DUSP19: variants seen among roughly 807,000 people sequenced by gnomAD.
DUSP19 encodes dual specificity protein phosphatase 19.
DUSP19 carries 14 observed loss-of-function variants against 16.6 expected under a neutral mutation model. The ratio of observed to expected loss-of-function variants is 0.84; its 90% CI spans 0.56 to 1.32. The LOEUF is 1.32. Ranked by LOEUF, DUSP19 falls within the 40% of genes most tolerant of loss-of-function variation. The pLI is 0.00. For missense variants in DUSP19, 258 were observed against 255.9 expected (o/e 1.01, Z -0.06); for synonymous variants, 81 against 90.5 (o/e 0.90, Z 0.59).
At chr2:183,083,595 AT>A (rs1457305975) in intron 2 of DUSP19, 41 bp downstream of exon 2, 1 of 1,539,330 alleles carries the variant, frequency 6.5e-7, no homozygotes, top group Non-Finnish European at 8.9e-7. Flanking sequence ...TACACAGAAT[AT>A]TTTAATTGTT....
At chr2:183,092,593 G>A (rs956250974) in intron 3 of DUSP19, among the ~76,000 whole-genome samples, 1 of 151,482 alleles carries the variant, frequency 6.6e-6, no homozygotes, top group Non-Finnish European at 1.5e-5. Flanking sequence ...TGGCTGCATA[G>A]TATTCCATGG....
At chr2:183,095,128 A>T (rs1050509438) in intron 3 of DUSP19, among the ~76,000 whole-genome samples, 4 of 152,080 alleles carry the variant, frequency 2.6e-5, no homozygotes, top group African/African-American at 9.7e-5. Context: ...TTAGGTTTTA[A>T]TGTGTTCTTT....
rs762398636 is a variant in DUSP19, at chr2:183,079,204, A to G, written c.226+45A>G. 16 of 1,551,462 alleles carry G rather than the reference A, an allele frequency of 1.0e-5. No homozygotes were observed. In the African/African-American group the frequency reaches 1.9e-4, roughly 19 times the overall value. On this transcript the variant is annotated intron_variant, in intron 1 of 3. Transcript: ENST00000354221. The stretch of plus-strand genomic sequence containing the variant: ...ACTAGATCATTGAGTCCTTTTAGCC[A>G]GATTACGTTCTCATTTTCCCCCTTT...
In DUSP19 at chr2:183,099,454, T is replaced by C. The variant is rs754947187; in HGVS notation, c.*3796T>C. ...TATTCTTGCAATGCATAAAATGACA[T>C]TATAATCAACAAACTTATGGTTTGT... is the stretch of plus-strand genomic sequence containing the variant. On this transcript the variant is annotated 3_prime_UTR_variant, in exon 4 of 4. Transcript: ENST00000354221. 12 of 152,192 alleles carry C rather than the reference T, an allele frequency of 7.9e-5. No homozygotes were observed. Among genetic ancestry groups the C allele is most frequent in the Non-Finnish European group, 5.9e-5 (4 of 68,034 alleles). 9.4% of individuals were successfully genotyped at this position (152,192 alleles called of 1,614,324 possible). A position where few individuals can be genotyped will look rare whatever the true frequency, so the allele number is the denominator to read the frequency against.
chr2:183,081,994 A>C (rs530560383), intron 1 of DUSP19, among the ~76,000 whole-genome samples: 1 of 152,346 alleles, frequency 6.6e-6, no homozygotes, highest in Admixed American at 6.5e-5. Context: ...TCTCCATATG[A>C]ACTTGCTTAT....
intron 2 of DUSP19, among the ~76,000 whole-genome samples, chr2:183,085,451 C>T (rs1187032252): frequency 7.9e-5 from 12 of 152,028 alleles, no homozygotes; most frequent in Non-Finnish European, 1.2e-4. Flanking sequence ...AGTTTAAGTA[C>T]GATTAGGACT....
Position 183,082,419 on chromosome 2 carries a change from C to CTTT in DUSP19, c.227-1069_227-1067dup, listed in dbSNP as rs71008260. ...AACCAGATACATTGAGAACATTTTTCTTTTTTTTTTTTTTTTTTTTTTGAG... is the reference window on the plus strand; with the variant it reads ...AACCAGATACATTGAGAACATTTTTCTTTTTTTTTTTTTTTTTTTTTTTTTGAG... On this transcript the variant is annotated intron_variant, in intron 1 of 3. Coordinates refer to ENST00000354221, the MANE Select transcript of DUSP19 (RefSeq NM_080876.4). Among the ~76,000 whole-genome samples the CTTT allele has an allele frequency of 3.6e-3, 302 of 84,820 alleles. 2 individuals are homozygous for CTTT. The highest frequency in any genetic ancestry group is 0.02 in the Middle Eastern group (2 of 100). The allele number at this position is 84,820 out of a possible 152,430, so 55.6% of individuals were successfully genotyped here.
At position 183,099,067 on chromosome 2, in the gene DUSP19, T is replaced by A. The variant is rs1264070968; in HGVS notation, c.*3409T>A. 1 of 152,084 alleles carries A rather than the reference T, an allele frequency of 6.6e-6. No individual in the cohort carries two copies. The highest frequency in any genetic ancestry group is 1.5e-5 in the Non-Finnish European group (1 of 68,004). The allele number at this position is 152,084 out of a possible 1,614,324, so 9.4% of individuals were successfully genotyped here. A position where few individuals can be genotyped will look rare whatever the true frequency, so the allele number is the denominator to read the frequency against. On this transcript the variant is annotated 3_prime_UTR_variant, in exon 4 of 4. Transcript: ENST00000354221. ...ATACTTGGATTTTTTTTTTTCAGCT[T>A]AGACTCTGATAATTTCAGTGGTAGT...
intron 3 of DUSP19, among the ~76,000 whole-genome samples, chr2:183,090,878 G>A (rs1699723463): frequency 1.3e-5 from 2 of 152,192 alleles, no homozygotes; most frequent in African/African-American, 4.8e-5. Flanking sequence ...GAGGCCAGCA[G>A]GCCTCTTGGC....
At chr2:183,079,977 T>C (rs1008572068) in intron 1 of DUSP19, among the ~76,000 whole-genome samples, 2 of 152,264 alleles carry the variant, frequency 1.3e-5, no homozygotes, top group African/African-American at 4.8e-5. Flanking sequence ...GTTCACCTAG[T>C]GTCTTACTCC....
At chr2:183,086,022 A>G (rs1023015019) in intron 2 of DUSP19, among the ~76,000 whole-genome samples, 3 of 151,524 alleles carry the variant, frequency 2.0e-5, no homozygotes, top group Admixed American at 2.0e-4. Flanking sequence ...TTTCTTCCAC[A>G]TGGTTGGTGG....
chr2:183,091,505 C>T (rs1212383455), intron 3 of DUSP19, among the ~76,000 whole-genome samples: 1 of 152,206 alleles, frequency 6.6e-6, no homozygotes, highest in African/African-American at 2.4e-5. Flanking sequence ...TTCATGCTCA[C>T]CTTATGTAAA....
At chr2:183,085,553 A>G (rs1699648561) in intron 2 of DUSP19, among the ~76,000 whole-genome samples, 1 of 152,052 alleles carries the variant, frequency 6.6e-6, no homozygotes, top group Non-Finnish European at 1.5e-5. Context: ...GCCATATTGC[A>G]AAAGATTGAG....
chr2:183,097,731 T>C lies in DUSP19; in HGVS notation c.*2073T>C, dbSNP rs538965821. 12 of 152,332 alleles carry C rather than the reference T, an allele frequency of 7.9e-5. No homozygotes were observed. The highest frequency in any genetic ancestry group is 2.9e-4 in the African/African-American group (12 of 41,580). 9.4% of individuals were successfully genotyped at this position (152,332 alleles called of 1,614,324 possible). ...TCTCTCTATGGTCAGTATCACTGGATAAGCCTTCTCCTTTCATAAGAAAGG... is the reference window on the plus strand; with the variant it reads ...TCTCTCTATGGTCAGTATCACTGGACAAGCCTTCTCCTTTCATAAGAAAGG... On this transcript the variant is annotated 3_prime_UTR_variant, in exon 4 of 4. Coordinates refer to ENST00000354221, the MANE Select transcript of DUSP19 (RefSeq NM_080876.4).
At chr2:183,086,048 G>C (rs1282809506) in intron 2 of DUSP19, among the ~76,000 whole-genome samples, 1 of 151,554 alleles carries the variant, frequency 6.6e-6, no homozygotes, top group Non-Finnish European at 1.5e-5. Context: ...AGGAAAAGGG[G>C]CTCAAATACA....
chr2:183,087,806 C>T (rs996370395), intron 3 of DUSP19, among the ~76,000 whole-genome samples: 1 of 152,168 alleles, frequency 6.6e-6, no homozygotes, highest in Non-Finnish European at 1.5e-5. Context: ...TCTTCTGGAA[C>T]ACCTAACAAT....
In DUSP19 at chr2:183,079,160, G is replaced by A; in HGVS notation, c.226+1G>A. 6.2e-7 allele frequency: 1 copy of A among 1,612,426 alleles called. No individual in the cohort carries two copies. Among genetic ancestry groups the A allele is most frequent in the Non-Finnish European group, 8.5e-7 (1 of 1,179,080 alleles). On this transcript the variant is annotated splice_donor_variant, in intron 1 of 3. Coordinates refer to ENST00000354221, the MANE Select transcript of DUSP19 (RefSeq NM_080876.4). LOFTEE classifies it high-confidence loss of function. ...GTTATTAAGCCATGGTTGCTCCTAG[G>A]TGAGTATATCGACTTGCCACTAGAT...
At chr2:183,090,623 A>G (rs1370233858) in intron 3 of DUSP19, among the ~76,000 whole-genome samples, 1 of 152,250 alleles carries the variant, frequency 6.6e-6, no homozygotes, top group Non-Finnish European at 1.5e-5. Flanking sequence ...CATTGTTAGC[A>G]TTTTGATATA....
In DUSP19 at chr2:183,095,599, A is replaced by G. The variant is rs1404611825; in HGVS notation, c.595A>G (p.Thr199Ala). ...TTCTGGCTTCATGGAGCAGCTTCGT[A>G]CATATCAAGAGGGCAAAGAAAGCAA... Reference protein sequence around the residue: ...PNSGFMEQLRTYQEGKESNKC... With the variant: ...PNSGFMEQLRAYQEGKESNKC... Residue 199 changes from threonine to alanine, a missense_variant, in exon 4 of 4, where the codon ACA becomes GCA. Coordinates refer to ENST00000354221, the MANE Select transcript of DUSP19 (RefSeq NM_080876.4). 2 of 1,613,936 alleles carry G rather than the reference A, an allele frequency of 1.2e-6. 1 individual carries two copies. The highest frequency in any genetic ancestry group is 3.3e-4 in the Middle Eastern group (2 of 6,060).
Sources: gnomAD v4.1 joint callset for allele counts (sites outside exome capture counted in the v4.1 genomes callset) on GRCh38, gnomAD v4.1.1 for gene constraint, MANE v1.5 for transcripts, NCBI Gene and HGNC (gene_info 2026-07-23, HGNC 2026-07-21) for gene names.